Variants in PSG9 observed in about 807,000 individuals in gnomAD.
The protein encoded by PSG9 is pregnancy specific beta-1-glycoprotein 9.
A neutral mutation model predicts 41.9 loss-of-function variants in PSG9; 49 were observed. The ratio of observed to expected loss-of-function variants is 1.17; its 90% confidence interval spans 0.93 to 1.48. The LOEUF (loss-of-function observed/expected upper bound fraction) is 1.48, where lower values mean the gene tolerates loss of function less well. Among genes scored for constraint, PSG9 ranks in the 40% most tolerant of loss-of-function variants. PSG9 has a pLI of 0.00. For missense variants in PSG9, 641 were observed against 520.3 expected (o/e 1.23, Z -2.26); for synonymous variants, 263 against 196.8 (o/e 1.34, Z -2.82).
intron 5 of PSG9, among the ~76,000 whole-genome samples, chr19:43,255,743 T>A (rs1045671536): frequency 4.1e-5 from 6 of 146,334 alleles, no homozygotes; most frequent in Non-Finnish European, 8.9e-5. Context: ...AAGAAAAAAA[T>A]TTCAATTTAT....
intron 5 of PSG9, among the ~76,000 whole-genome samples, chr19:43,255,302 A>G (rs561884281): frequency 2.0e-5 from 3 of 146,450 alleles, no homozygotes; most frequent in Admixed American, 1.4e-4. Flanking sequence ...CAATAAAAGC[A>G]TTTGATGAAT....
At chr19:43,267,676 A>T (rs1409369418) in intron 2 of PSG9, 108 bp downstream of exon 2, 12 of 1,551,874 alleles carry the variant, frequency 7.7e-6, no homozygotes, top group Non-Finnish European at 7.1e-6. Flanking sequence ...AGCATGGGAC[A>T]TAATGCAGAG....
rs1313451936 is a variant in PSG9 at position 43,261,804 on chromosome 19, T to C, written c.709+56A>G. ...GAGAGGGACTGAGAGGCCTGGCCTC[T>C]GGCCATGTGTATTTGGGATGGCAGC... On this transcript the variant is annotated intron_variant, in intron 3 of 5. Coordinates refer to ENST00000270077, the MANE Select transcript of PSG9 (RefSeq NM_002784.5). 3.6e-5 allele frequency: 58 copies of C among 1,613,904 alleles called. 2 individuals carry two copies. In the Admixed American group the frequency reaches 9.7e-4, roughly 27 times the overall value.
At position 43,267,866 on chromosome 19, in the gene PSG9, A is replaced by G. The variant is rs1400843455; in HGVS notation, c.348T>C (p.Asp116=). ...SLLIQNVTRK[D]AGTYTLHIIK... ...TGATGTGTAAGGTGTAGGTTCCTGCATCCTTCCGGGTGACATTCTGGATCA... is the reference window on the plus strand; with the variant it reads ...TGATGTGTAAGGTGTAGGTTCCTGCGTCCTTCCGGGTGACATTCTGGATCA... The change falls in exon 2 of 6, where the codon GAT becomes GAC. Residue 116 remains aspartate, a synonymous_variant. Transcript: ENST00000270077. The G allele has an allele frequency of 1.2e-6, 2 of 1,613,806 alleles. No homozygotes were observed. Among genetic ancestry groups the G allele is most frequent in the Non-Finnish European group, 8.5e-7 (1 of 1,179,768 alleles).
In PSG9 at chr19:43,258,362, C is replaced by T. The variant is rs149955411; in HGVS notation, c.1083G>A (p.Pro361=). Reference sequence around the variant, plus strand: ...CATTAATTGTCCAAAAATACTCTGCCGGTGGGTTAGATTCCGTGAAGCAGG... The same window carrying T: ...CATTAATTGTCCAAAAATACTCTGCTGGTGGGTTAGATTCCGTGAAGCAGG... ...DLSCFTESNP[P]AEYFWTINGK... The change falls in exon 5 of 6, where the codon CCG becomes CCA. Residue 361 remains proline, a synonymous_variant. Coordinates refer to ENST00000270077, the MANE Select transcript of PSG9 (RefSeq NM_002784.5). 433 of 1,592,778 alleles carry T rather than the reference C, an allele frequency of 2.7e-4. 28 individuals carry two copies. Among genetic ancestry groups the T allele is most frequent in the Middle Eastern group, 3.3e-4 (2 of 5,992 alleles).
Position 43,258,311 on chromosome 19 carries a change from C to T in PSG9, c.1134G>A (p.Lys378=), listed in dbSNP as rs754731642. ...TTCTAGTAATTTGGGGGATAAAGAG[C>T]TTTTGTCCTGATTGCTGAAACTTCC... ...INGKFQQSGQ[K]LFIPQITRNH... is the part of the protein sequence containing the mutation. The change falls in exon 5 of 6, where the codon AAG becomes AAA. Residue 378 remains lysine, a synonymous_variant. Transcript: ENST00000270077. The T allele has an allele frequency of 1.3e-6, 2 of 1,592,844 alleles. 1 individual carries two copies. The highest frequency in any genetic ancestry group is 3.4e-5 in the Admixed American group (2 of 58,698).
chr19:43,258,004 G>T (rs1283527587), intron 5 of PSG9, 198 bp downstream of exon 5: 1 of 1,513,576 alleles, frequency 6.6e-7, no homozygotes, highest in African/African-American at 1.5e-5. Flanking sequence ...CCAGACACAA[G>T]GTCAGCCATA....
Position 43,262,153 on chromosome 19 carries a change from G to C in PSG9, c.431-15C>G, listed in dbSNP as rs1036912482. The C allele has an allele frequency of 7.5e-6, 12 of 1,608,292 alleles. No individual in the cohort carries two copies. The highest frequency in any genetic ancestry group is 1.7e-5 in the Admixed American group (1 of 59,662). On this transcript the variant is annotated splice_polypyrimidine_tract_variant and intron_variant, in intron 2 of 5. Transcript: ENST00000270077. ...GGGAGTCTCCACTGTGCAGAAAACA[G>C]AGAGAAGATTGCCCTGTGTGGCACC...
chr19:43,265,593 C>G (rs374354194), intron 2 of PSG9, among the ~76,000 whole-genome samples: 48 of 152,300 alleles, frequency 3.2e-4, no homozygotes, highest in South Asian at 1.0e-3. Context: ...AAATCTCTAA[C>G]CCCTGATCCA....
intron 3 of PSG9, among the ~76,000 whole-genome samples, chr19:43,260,957 G>A (rs913058280): frequency 2.0e-5 from 3 of 151,996 alleles, no homozygotes; most frequent in Non-Finnish European, 4.4e-5. Flanking sequence ...TATTCCTTTT[G>A]ATGTTAATGT....
intron 5 of PSG9, among the ~76,000 whole-genome samples, chr19:43,254,724 C>T (rs543594164): frequency 6.9e-6 from 1 of 145,360 alleles, no homozygotes; most frequent in South Asian, 2.2e-4. Context: ...AAAATAAAAT[C>T]AACAAAATTG....
chr19:43,267,992 G>A lies in PSG9; in HGVS notation c.222C>T (p.Asp74=). The A allele has an allele frequency of 2.5e-6, 4 of 1,613,770 alleles. No individual in the cohort carries two copies. The highest frequency in any genetic ancestry group is 2.2e-5 in the East Asian group (1 of 44,860). The change falls in exon 2 of 6, where the codon GAC becomes GAT. Residue 74 remains aspartate, a synonymous_variant. Coordinates refer to ENST00000270077, the MANE Select transcript of PSG9 (RefSeq NM_002784.5). ...GYFWYKGEMT[D]LYHYIISYIV... is the part of the protein sequence containing the mutation. ...TATACGATATAATGTAATGGTAGAG[G>A]TCCGTCATTTCCCCTTTGTACCAGA...
At chr19:43,259,428 T>A in intron 3 of PSG9, 1 of 463,998 alleles carries the variant, frequency 2.2e-6, no homozygotes, top group South Asian at 3.9e-5. Context: ...CCCCTCCCAG[T>A]CCCTCCCTAA....
chr19:43,262,199 T>C lies in PSG9; in HGVS notation c.431-61A>G. The C allele has an allele frequency of 1.3e-6, 2 of 1,568,474 alleles. 1 individual carries two copies. The highest frequency in any genetic ancestry group is 1.7e-6 in the Non-Finnish European group (2 of 1,157,584). ...GCACCTTTGATTCCTCCAAAGGCAT[T>C]TTTCAGTCAGAGTTGGCATTTCCCA... is the stretch of plus-strand genomic sequence containing the variant. On this transcript the variant is annotated intron_variant, in intron 2 of 5. Coordinates refer to ENST00000270077, the MANE Select transcript of PSG9 (RefSeq NM_002784.5).
chr19:43,268,311 G>C (rs938474242), intron 1 of PSG9, among the ~76,000 whole-genome samples, 162 bp from the exon 2 acceptor site: 4 of 152,030 alleles, frequency 2.6e-5, no homozygotes, highest in Non-Finnish European at 5.9e-5. Context: ...GTGTGTTTGT[G>C]TATGTGTATG....
intron 5 of PSG9, 48 bp from the exon 6 acceptor site, chr19:43,253,694 CT>C: frequency 2.6e-6 from 3 of 1,170,904 alleles, no homozygotes; most frequent in Non-Finnish European, 3.6e-6. Context: ...TCACTACCTC[CT>C]TTACACAGAA....
intron 3 of PSG9, chr19:43,259,512 C>G (rs1350051065): frequency 3.9e-6 from 1 of 256,602 alleles, no homozygotes; most frequent in Non-Finnish European, 7.1e-6. Context: ...CAAATTCCAT[C>G]CTACTTTGCC....
rs188431710 is a variant in PSG9, at chr19:43,257,665, C to T, written c.1243+537G>A. 408 of 1,061,866 alleles carry T rather than the reference C, an allele frequency of 3.8e-4. 48 individuals carry two copies. The African/African-American group carries it at 4.3e-3, about 11-fold the overall frequency. The allele number at this position is 1,061,866 out of a possible 1,614,324, so 65.8% of individuals were successfully genotyped here. A position where few individuals can be genotyped will look rare whatever the true frequency, so the allele number is the denominator to read the frequency against. On this transcript the variant is annotated intron_variant, in intron 5 of 5. Coordinates refer to ENST00000270077, the MANE Select transcript of PSG9 (RefSeq NM_002784.5). The stretch of plus-strand genomic sequence containing the variant: ...GCCACCAGGGCCCTTTCTACACACA[C>T]GCTAGTCCCACCCCAGGTTGAGTGA...
rs1968586283 is a variant in PSG9, at chr19:43,259,093, G to A, written c.752C>T (p.Pro251Leu). ...IPYITINNLN[P>L]RENKDVLAFT... is the part of the protein sequence containing the mutation. ...GGCTAAGACATCCTTATTCTCCCTG[G>A]GGTTTAAGTTGTTGATGGTGATGTA... The change falls in exon 4 of 6, where the codon CCC becomes CTC. Residue 251 changes from proline (P) to leucine (L), a missense_variant. Transcript: ENST00000270077. The A allele has an allele frequency of 1.9e-6, 3 of 1,590,370 alleles. No individual in the cohort carries two copies. The highest frequency in any genetic ancestry group is 1.7e-5 in the Admixed American group (1 of 58,596).
Sources: allele counts gnomAD v4.1 joint callset (sites outside exome capture counted in the v4.1 genomes callset), GRCh38; gene constraint gnomAD v4.1.1; transcripts MANE v1.5; gene names NCBI Gene and HGNC (gene_info 2026-07-23, HGNC 2026-07-21).